SPIN1: variants seen among roughly 807,000 people sequenced by gnomAD.
The protein encoded by SPIN1 is spindlin-1.
In SPIN1, 3 loss-of-function variants were observed where a neutral mutation model predicts 26.0. The ratio of observed to expected loss-of-function variants is 0.12; its 90% CI spans 0.05 to 0.30. The LOEUF (loss-of-function observed/expected upper bound fraction) is 0.30, where lower values mean the gene tolerates loss of function less well. Ranked by LOEUF, SPIN1 falls within the 10% of genes least tolerant of loss-of-function variation. The pLI, the probability that SPIN1 is intolerant of heterozygous loss-of-function variation, is 1.00. For synonymous variants in SPIN1, 101 were observed against 116.5 expected (o/e 0.87, Z 0.86); for missense variants, 126 against 333.4 (o/e 0.38, Z 4.84).
intron 1 of SPIN1, among the ~76,000 whole-genome samples, chr9:88,420,557 AGGTT>A (rs1827649575): frequency 6.6e-6 from 1 of 152,214 alleles, no homozygotes; most frequent in Non-Finnish European, 1.5e-5. Flanking sequence ...TTTCCATACA[AGGTT>A]GGTTTATGAG....
chr9:88,432,024 T>C (rs1331474393), intron 2 of SPIN1, among the ~76,000 whole-genome samples: 1 of 152,000 alleles, frequency 6.6e-6, no homozygotes, highest in Non-Finnish European at 1.5e-5. Flanking sequence ...GGTGACAGAC[T>C]GTCCAGAAAA....
chr9:88,410,862 T>C, intron 1 of SPIN1: 1 of 934,370 alleles, frequency 1.1e-6, no homozygotes. Context: ...GACCACCACG[T>C]TTCCAGAATC....
chr9:88,469,977 T>A (rs1244478157), intron 5 of SPIN1, among the ~76,000 whole-genome samples: 1 of 152,190 alleles, frequency 6.6e-6, no homozygotes, highest in Non-Finnish European at 1.5e-5. Context: ...CTGTCAGTCC[T>A]TTATTCTTCG....
At chr9:88,441,926 A>G (rs886979152) in intron 2 of SPIN1, among the ~76,000 whole-genome samples, 3 of 147,666 alleles carry the variant, frequency 2.0e-5, no homozygotes, top group African/African-American at 7.5e-5. Flanking sequence ...TCCTTTATAT[A>G]GATCTCAGCT....
chr9:88,410,493 T>C (rs1428276326), intron 1 of SPIN1: 5 of 755,930 alleles, frequency 6.6e-6, no homozygotes, highest in South Asian at 2.7e-5. Context: ...CTGTCACTTC[T>C]CTGGTTCTCC....
chr9:88,393,064 C>G (rs1826965449), intron 1 of SPIN1, among the ~76,000 whole-genome samples: 1 of 150,992 alleles, frequency 6.6e-6, no homozygotes. Flanking sequence ...GTTAGAGAAG[C>G]TGGTGAAGTC....
rs143319003 is a variant in SPIN1, at chr9:88,397,913, C to T, written c.-159+9375C>T. Reference sequence around the variant, plus strand: ...TGCTGAGATTACAGGTGTGAGCCACCGTGCCCAGCCTGAAGTTGTTTTTTT... The same window carrying T: ...TGCTGAGATTACAGGTGTGAGCCACTGTGCCCAGCCTGAAGTTGTTTTTTT... On this transcript the variant is annotated intron_variant, in intron 1 of 5. Transcript: ENST00000375859. Among the ~76,000 whole-genome samples the T allele has an allele frequency of 8.6e-5, 13 of 151,992 alleles. No individual in the cohort carries two copies. In the East Asian group the frequency reaches 1.2e-3, roughly 14 times the overall value.
chr9:88,397,148 G>A (rs1827083169), intron 1 of SPIN1, among the ~76,000 whole-genome samples: 1 of 152,004 alleles, frequency 6.6e-6, no homozygotes, highest in Non-Finnish European at 1.5e-5. Flanking sequence ...AGTTTCTTCA[G>A]TAATTTACCT....
rs899887429 is a variant in SPIN1, at chr9:88,477,237, A to T, written c.*1960A>T. The T allele has an allele frequency of 6.6e-6, 1 of 152,180 alleles. No individual in the cohort carries two copies. Among genetic ancestry groups the T allele is most frequent in the Non-Finnish European group, 1.5e-5 (1 of 68,032 alleles). 9.4% of individuals were successfully genotyped at this position (152,180 alleles called of 1,614,324 possible). ...CCTGGCTCCCAGAGTCCAGACTGAC[A>T]TTACAGCGCAAGAGTTTGCAAGTGT... On this transcript the variant is annotated 3_prime_UTR_variant, in exon 6 of 6. Transcript: ENST00000375859.
intron 3 of SPIN1, among the ~76,000 whole-genome samples, chr9:88,451,709 C>G (rs1294459074): frequency 6.6e-6 from 1 of 152,154 alleles, no homozygotes; most frequent in Non-Finnish European, 1.5e-5. Context: ...CACAGGCGTG[C>G]CGCAGCACGC....
intron 3 of SPIN1, among the ~76,000 whole-genome samples, chr9:88,460,793 A>T (rs1257525594): frequency 6.6e-6 from 1 of 152,224 alleles, no homozygotes; most frequent in Non-Finnish European, 1.5e-5. Context: ...TTCTTTGTTC[A>T]GTCTGCTGAT....
chr9:88,460,902 T>C (rs1029689837), intron 3 of SPIN1, among the ~76,000 whole-genome samples: 3 of 152,244 alleles, frequency 2.0e-5, no homozygotes, highest in Non-Finnish European at 4.4e-5. Flanking sequence ...TTCTATTTCA[T>C]GGCTTCTGTC....
intron 1 of SPIN1, among the ~76,000 whole-genome samples, chr9:88,405,556 T>TTTTTTC (rs756156368): frequency 6.0e-4 from 87 of 144,580 alleles, no homozygotes; most frequent in African/African-American, 2.1e-3. Context: ...TTTTTTTTTT[T>TTTTTTC]CCCTGAGACA....
chr9:88,420,726 C>T (rs1827652811), intron 1 of SPIN1, among the ~76,000 whole-genome samples: 2 of 152,164 alleles, frequency 1.3e-5, no homozygotes, highest in African/African-American at 4.8e-5. Flanking sequence ...GGGGTCTTCT[C>T]TGGAGCCCTT....
rs199574183 is a variant in SPIN1, at chr9:88,462,529, T to C, written c.135T>C (p.Pro45=). Residue 45 remains proline, a synonymous_variant, in exon 4 of 6, where the codon CCT becomes CCC. Transcript: ENST00000375859. ...KHRSSVGPSK[P]VSQPRRNIVG... Reference sequence around the variant, plus strand: ...GGAGCAGTGTGGGTCCGAGCAAACCTGTTTCCCAGCCCCGGCGGAACATCG... The same window carrying C: ...GGAGCAGTGTGGGTCCGAGCAAACCCGTTTCCCAGCCCCGGCGGAACATCG... The C allele has an allele frequency of 3.6e-5, 58 of 1,614,050 alleles. No individual in the cohort carries two copies. The Admixed American group carries it at 9.5e-4, about 26-fold the overall frequency.
intron 1 of SPIN1, among the ~76,000 whole-genome samples, chr9:88,393,132 CTTTTTTT>C (rs79661252): frequency 8.0e-6 from 1 of 124,894 alleles, no homozygotes; most frequent in East Asian, 2.4e-4. Context: ...GTTAAATGTG[CTTTTTTT>C]TTTTTTTTTC....
intron 1 of SPIN1, chr9:88,410,823 G>A: frequency 1.1e-6 from 1 of 932,432 alleles, no homozygotes; most frequent in South Asian, 1.3e-5. Flanking sequence ...CACTACCAGA[G>A]TTGTCATTCC....
intron 2 of SPIN1, among the ~76,000 whole-genome samples, chr9:88,440,160 T>G (rs928053925): frequency 3.3e-5 from 5 of 151,530 alleles, no homozygotes; most frequent in African/African-American, 9.7e-5. Context: ...TTTTAATTTT[T>G]TTTTTAATTT....
chr9:88,474,340 C>CT (rs1432346543), intron 5 of SPIN1, among the ~76,000 whole-genome samples: 1 of 151,916 alleles, frequency 6.6e-6, no homozygotes. Flanking sequence ...TTTGCTGTTT[C>CT]TGTGTGTTTT....
Sources: allele counts gnomAD v4.1 joint callset (sites outside exome capture counted in the v4.1 genomes callset), GRCh38; gene constraint gnomAD v4.1.1; transcripts MANE v1.5; gene names NCBI Gene and HGNC (gene_info 2026-07-23, HGNC 2026-07-21).